PBX1: variants seen among roughly 807,000 people sequenced by gnomAD.
The protein encoded by PBX1 is pre-B-cell leukemia transcription factor 1.
PBX1 carries 6 observed loss-of-function variants against 53.4 expected under a neutral mutation model. The ratio of observed to expected loss-of-function variants is 0.11; its 90% CI spans 0.06 to 0.22. The LOEUF is 0.22. Among genes scored for constraint, PBX1 ranks in the 10% least tolerant of loss-of-function variants. The pLI, the probability that PBX1 is intolerant of heterozygous loss-of-function variation, is 1.00. For synonymous variants in PBX1, 204 were observed against 212.3 expected (o/e 0.96, Z 0.34); for missense variants, 251 against 551.4 (o/e 0.46, Z 5.46).
At chr1:164,623,800 G>A (rs1043253606) in intron 2 of PBX1, among the ~76,000 whole-genome samples, 10 of 152,194 alleles carry the variant, frequency 6.6e-5, no homozygotes, top group African/African-American at 2.4e-4. Flanking sequence ...CGCCTCATAC[G>A]TTATGCTAAT....
At chr1:164,781,217 C>T (rs1412808721) in intron 2 of PBX1, among the ~76,000 whole-genome samples, 3 of 152,038 alleles carry the variant, frequency 2.0e-5, no homozygotes, top group Admixed American at 6.6e-5. Flanking sequence ...AGCTAATTGG[C>T]GTGTGTTTTG....
At chr1:164,733,420 T>C (rs1404196287) in intron 2 of PBX1, among the ~76,000 whole-genome samples, 1 of 152,156 alleles carries the variant, frequency 6.6e-6, no homozygotes, top group East Asian at 1.9e-4. Context: ...CCTTATTTCC[T>C]GTGTCGCTTT....
In PBX1 at chr1:164,599,416, G is replaced by A. The variant is rs140485876; in HGVS notation, c.265+36105G>A. The stretch of plus-strand genomic sequence containing the variant: ...TTCGGGCAAATCTGCAATTGTGGGC[G>A]CATATTTACCTTGTTATTTTTTACA... On this transcript the variant is annotated intron_variant, in intron 2 of 8. Transcript: ENST00000420696. Among the ~76,000 whole-genome samples, 80 of 152,064 alleles carry A rather than the reference G, an allele frequency of 5.3e-4. No homozygotes were observed. In the East Asian group the frequency reaches 0.012, roughly 22 times the overall value.
At chr1:164,870,338 T>C (rs957760041) in intron 2 of PBX1, among the ~76,000 whole-genome samples, 1 of 119,532 alleles carries the variant, frequency 8.4e-6, no homozygotes, top group Non-Finnish European at 1.7e-5. Flanking sequence ...TCTTTCTTTC[T>C]TTCTTTCTTT....
chr1:164,568,646 G>C (rs1339001760), intron 2 of PBX1, among the ~76,000 whole-genome samples: 1 of 152,094 alleles, frequency 6.6e-6, no homozygotes, highest in African/African-American at 2.4e-5. Context: ...AATTATCTCA[G>C]GATTCATATC....
At position 164,849,104 on chromosome 1, in the gene PBX1, A is replaced by G; in HGVS notation, c.*2428A>G. 1.5e-6 allele frequency: 2 copies of G among 1,352,832 alleles called. No homozygotes were observed. The highest frequency in any genetic ancestry group is 1.8e-5 in the South Asian group (1 of 54,804). 83.8% of individuals were successfully genotyped at this position (1,352,832 alleles called of 1,614,324 possible). On this transcript the variant is annotated 3_prime_UTR_variant, in exon 9 of 9. Transcript: ENST00000420696. ...ACTACCCACGCAAGAACATGGTTGA[A>G]TCACATTTGCTTGACTTAGGGCAAA...
intron 2 of PBX1, among the ~76,000 whole-genome samples, chr1:164,865,467 G>A (rs937231458): frequency 2.3e-4 from 35 of 152,150 alleles, no homozygotes; most frequent in Admixed American, 1.3e-3. Flanking sequence ...GTGTTTTGAA[G>A]GTATGGGTGC....
intron 2 of PBX1, among the ~76,000 whole-genome samples, chr1:164,617,002 A>T (rs1040041094): frequency 6.6e-6 from 1 of 152,238 alleles, no homozygotes; most frequent in African/African-American, 2.4e-5. Context: ...TCCAGAGGTC[A>T]TATTTTATTA....
chr1:164,677,828 G>A (rs1341874910), intron 2 of PBX1, among the ~76,000 whole-genome samples: 4 of 152,160 alleles, frequency 2.6e-5, no homozygotes, highest in African/African-American at 4.8e-5. Context: ...TGGCTTGGCC[G>A]TGATGCAGAT....
At chr1:164,641,289 G>T in intron 2 of PBX1, 1 of 152,858 alleles carries the variant, frequency 6.5e-6, no homozygotes, top group Non-Finnish European at 1.5e-5. Flanking sequence ...TGGGAGTGGG[G>T]TCCATTCATC....
chr1:164,782,922 A>G (rs1668002413), intron 2 of PBX1, among the ~76,000 whole-genome samples: 1 of 152,216 alleles, frequency 6.6e-6, no homozygotes, highest in African/African-American at 2.4e-5. Context: ...TGCTTCCTCA[A>G]ACCTTTGAGT....
intron 2 of PBX1, among the ~76,000 whole-genome samples, chr1:164,623,310 A>G (rs181858977): frequency 2.0e-5 from 3 of 152,320 alleles, no homozygotes; most frequent in Admixed American, 2.0e-4. Context: ...CCCCCAGGTA[A>G]TTGCCCACAG....
chr1:164,656,821 ATAT>A (rs1660195776), intron 2 of PBX1, among the ~76,000 whole-genome samples: 1 of 152,084 alleles, frequency 6.6e-6, no homozygotes, highest in South Asian at 2.1e-4. Flanking sequence ...TATATAAATG[ATAT>A]TATAATATCC....
At chr1:164,803,644 T>C (rs1669194517) in intron 4 of PBX1, among the ~76,000 whole-genome samples, 2 of 152,156 alleles carry the variant, frequency 1.3e-5, no homozygotes, top group African/African-American at 4.8e-5. Context: ...TGTGGCTAGA[T>C]GAAATTGTTC....
intron 2 of PBX1, among the ~76,000 whole-genome samples, chr1:164,698,383 A>T (rs1465774498): frequency 2.0e-5 from 3 of 152,206 alleles, no homozygotes; most frequent in African/African-American, 7.2e-5. Context: ...TGTAGTTCTC[A>T]TTCTTTGAGA....
intron 4 of PBX1, among the ~76,000 whole-genome samples, chr1:164,805,835 G>A (rs1669319784): frequency 6.6e-6 from 1 of 152,164 alleles, no homozygotes; most frequent in South Asian, 2.1e-4. Flanking sequence ...CAGAAACTCA[G>A]CATGATTTAG....
Position 164,559,420 on chromosome 1 carries a change from A to C in PBX1, c.-403A>C, listed in dbSNP as rs1279644646. The C allele has an allele frequency of 8.3e-6, 2 of 240,612 alleles. No homozygotes were observed. Among genetic ancestry groups the C allele is most frequent in the South Asian group, 1.7e-4 (1 of 5,824 alleles). The allele number at this position is 240,612 out of a possible 1,614,324, so 14.9% of individuals were successfully genotyped here. Reference sequence around the variant, plus strand: ...TTTCTCCCGATCAATGCATATTTGCAAAAGGATTAAGCCACAGATTTAAGC... The same window carrying C: ...TTTCTCCCGATCAATGCATATTTGCCAAAGGATTAAGCCACAGATTTAAGC... On this transcript the variant is annotated 5_prime_UTR_variant, in exon 1 of 9. Coordinates refer to ENST00000420696, the MANE Select transcript of PBX1 (RefSeq NM_002585.4).
intron 2 of PBX1, among the ~76,000 whole-genome samples, chr1:164,624,323 A>G (rs1380825752): frequency 6.6e-6 from 1 of 152,230 alleles, no homozygotes; most frequent in Admixed American, 6.5e-5. Flanking sequence ...AACAATCAAG[A>G]CCATGTAAGC....
intron 2 of PBX1, among the ~76,000 whole-genome samples, chr1:164,699,012 A>T (rs1662950361): frequency 6.6e-6 from 1 of 152,200 alleles, no homozygotes; most frequent in Non-Finnish European, 1.5e-5. Context: ...AAGAGGGGGA[A>T]ACTTAAAGAA....
Sources: allele counts gnomAD v4.1 joint callset (sites outside exome capture counted in the v4.1 genomes callset), GRCh38; gene constraint gnomAD v4.1.1; transcripts MANE v1.5; gene names NCBI Gene and HGNC (gene_info 2026-07-23, HGNC 2026-07-21).